Variants in EPS8 observed in about 807,000 individuals in gnomAD.
The protein encoded by EPS8 is EGFR pathway substrate 8, signaling adaptor.
Under a neutral mutation model 103.8 loss-of-function variants are expected in EPS8, and 42 were observed. That is an observed-to-expected ratio of 0.40 (90% CI 0.32 to 0.52). The LOEUF (loss-of-function observed/expected upper bound fraction) is 0.52, where lower values mean the gene tolerates loss of function less well. Among genes scored for constraint, EPS8 ranks in the 20% least tolerant of loss-of-function variants. EPS8 has a pLI of 0.40. For missense variants in EPS8, 969 were observed against 1,005.1 expected, an observed-to-expected ratio of 0.96 and a Z score of 0.49; for synonymous variants, 344 against 344.6, an observed-to-expected ratio of 1.00 and a Z score of 0.02.
At position 15,760,985 on chromosome 12, in the gene EPS8, G is replaced by A. The variant is rs1346738670; in HGVS notation, c.-22+28176C>T. On this transcript the variant is annotated intron_variant, in intron 1 of 20. Transcript: ENST00000281172. This position sits in a 1 kb window ranked among gnomAD's most constrained non-coding sequence, Gnocchi z 4.5. ...GAAAGAAAGAAAGGGCATCCAAATTGGAAAAGAAAAACCCAAATTATCCTT... is the reference window on the plus strand; with the variant it reads ...GAAAGAAAGAAAGGGCATCCAAATTAGAAAAGAAAAACCCAAATTATCCTT... Among the ~76,000 whole-genome samples, 2 of 151,760 alleles carry A rather than the reference G, an allele frequency of 1.3e-5. No homozygotes were observed. Among genetic ancestry groups the A allele is most frequent in the Non-Finnish European group, 2.9e-5 (2 of 67,898 alleles).
intron 8 of EPS8, chr12:15,662,516 A>T: frequency 3.0e-6 from 3 of 988,394 alleles, no homozygotes; most frequent in South Asian, 4.7e-5. Flanking sequence ...ATACATTCCA[A>T]CACTGTGACT....
intron 14 of EPS8, among the ~76,000 whole-genome samples, chr12:15,648,711 A>C (rs2135780492): frequency 6.6e-6 from 1 of 152,330 alleles, no homozygotes; most frequent in African/African-American, 2.4e-5. Context: ...CAGTGAAGTC[A>C]GCAGTAGGAA....
chr12:15,759,656 C>G lies in EPS8; in HGVS notation c.-22+29505G>C, dbSNP rs1375950242. Among the ~76,000 whole-genome samples the G allele has an allele frequency of 6.6e-6, 1 of 151,872 alleles. No individual in the cohort carries two copies. The highest frequency in any genetic ancestry group is 1.5e-5 in the Non-Finnish European group (1 of 67,888). ...AAGGAATAAAACTAGAAATCAATAA[C>G]AAGAGAAATTTTGGAAAATATACTA... On this transcript the variant is annotated intron_variant, in intron 1 of 20. Transcript: ENST00000281172. The surrounding 1 kb of genome is among the most constrained non-coding windows in gnomAD (Gnocchi z 4.9).
chr12:15,639,571 G>A (rs1481721593), intron 17 of EPS8, among the ~76,000 whole-genome samples: 2 of 151,984 alleles, frequency 1.3e-5, no homozygotes, highest in Non-Finnish European at 2.9e-5. Context: ...TTAAGTTACC[G>A]AGATAGAGAA....
intron 18 of EPS8, among the ~76,000 whole-genome samples, chr12:15,624,784 CCTTAGA>C (rs1944918191): frequency 6.6e-6 from 1 of 152,172 alleles, no homozygotes; most frequent in Non-Finnish European, 1.5e-5. Flanking sequence ...TACTACATTT[CCTTAGA>C]CTGGTGGCTC....
chr12:15,773,033 T>C lies in EPS8; in HGVS notation c.-22+16128A>G, dbSNP rs528180404. On this transcript the variant is annotated intron_variant, in intron 1 of 20. Transcript: ENST00000281172. ...TCAGACCACAGTGGGCTCGCTGATG[T>C]AGGAGAAGTGAAGAGGAAACCATAG... is the stretch of plus-strand genomic sequence containing the variant. 1.3e-5 allele frequency among the ~76,000 whole-genome samples: 2 copies of C among 152,176 alleles called. 1 individual carries two copies. The highest frequency in any genetic ancestry group is 4.8e-5 in the African/African-American group (2 of 41,520).
chr12:15,670,602 C>A (rs948149246), intron 4 of EPS8, among the ~76,000 whole-genome samples: 1 of 151,972 alleles, frequency 6.6e-6, no homozygotes, highest in Admixed American at 6.6e-5. Context: ...AGCCATTATT[C>A]TATTATAAGT....
Position 15,749,014 on chromosome 12 carries a change from C to T in EPS8, c.-22+40147G>A, listed in dbSNP as rs1946903361. 6.6e-6 allele frequency among the ~76,000 whole-genome samples: 1 copy of T among 152,124 alleles called. No homozygotes were observed. Among genetic ancestry groups the T allele is most frequent in the Admixed American group, 6.6e-5 (1 of 15,266 alleles). ...AAAGCAAATACTGAGACAACTGATGCTAGAGAGAACTTAAGGCCCTTTTAA... is the reference window on the plus strand; with the variant it reads ...AAAGCAAATACTGAGACAACTGATGTTAGAGAGAACTTAAGGCCCTTTTAA... On this transcript the variant is annotated intron_variant, in intron 1 of 20. Transcript: ENST00000281172. This position sits in a 1 kb window ranked among gnomAD's most constrained non-coding sequence, Gnocchi z 4.0.
Position 15,682,927 on chromosome 12 carries a change from G to A in EPS8, c.25C>T (p.Pro9Ser). The A allele has an allele frequency of 6.3e-7, 1 of 1,585,424 alleles. No individual in the cohort carries two copies. The part of the protein sequence containing the change: MNGHISNH[P>S]SSFGMYPSQM... ...GATGGGTACATTCCAAAACTACTGGGATGATTAGAAATATGACCATTCATT... is the reference window on the plus strand; with the variant it reads ...GATGGGTACATTCCAAAACTACTGGAATGATTAGAAATATGACCATTCATT... Residue 9 changes from proline (P) to serine (S), a missense_variant, in exon 2 of 21, where the codon CCC becomes TCC. By Grantham distance (74) the Pro-to-Ser change is moderately conservative. Coordinates refer to ENST00000281172, the MANE Select transcript of EPS8 (RefSeq NM_004447.6).
chr12:15,639,041 T>C (rs905688616), intron 17 of EPS8, among the ~76,000 whole-genome samples: 6 of 152,248 alleles, frequency 3.9e-5, no homozygotes, highest in Admixed American at 2.0e-4. Flanking sequence ...TGCTTATTCC[T>C]AGCAACCACA....
rs371100319 is a variant in EPS8 at position 15,641,674 on chromosome 12, C to A, written c.1677+48G>T. 3.2e-5 allele frequency: 28 copies of A among 872,986 alleles called. No individual in the cohort carries two copies. In the African/African-American group the frequency reaches 4.6e-4, roughly 14 times the overall value. The allele number at this position is 872,986 out of a possible 1,614,324, so 54.1% of individuals were successfully genotyped here. On this transcript the variant is annotated intron_variant, in intron 16 of 20. Transcript: ENST00000281172. ...TTAGTTATATACCAAAAGAGTAATA[C>A]AATAAAACTACTTTATTAAGAGTAT...
intron 17 of EPS8, among the ~76,000 whole-genome samples, chr12:15,636,365 A>C (rs759806622): frequency 1.3e-5 from 2 of 152,156 alleles, no homozygotes; most frequent in Non-Finnish European, 2.9e-5. Flanking sequence ...AATTTTTATT[A>C]CTTTCTCTTT....
In EPS8 at chr12:15,764,319, A is replaced by C. The variant is rs1332682632; in HGVS notation, c.-22+24842T>G. 6.6e-6 allele frequency among the ~76,000 whole-genome samples: 1 copy of C among 152,250 alleles called. No individual in the cohort carries two copies. The highest frequency in any genetic ancestry group is 1.5e-5 in the Non-Finnish European group (1 of 68,038). The stretch of plus-strand genomic sequence containing the variant: ...ATGGGAATTATGCAAGCTACAATTC[A>C]AGATGAGCTTTGGGTGGGGACACAG... On this transcript the variant is annotated intron_variant, in intron 1 of 20. Coordinates refer to ENST00000281172, the MANE Select transcript of EPS8 (RefSeq NM_004447.6). This position sits in a 1 kb window ranked among gnomAD's most constrained non-coding sequence, Gnocchi z 4.1.
At chr12:15,692,319 G>GTTTTTTTTTTTTTTTTTTTTTTTTT (rs56016545) in intron 1 of EPS8, among the ~76,000 whole-genome samples, 1 of 120,320 alleles carries the variant, frequency 8.3e-6, no homozygotes, top group Admixed American at 8.5e-5. Context: ...AAGAGGTTTG[G>GTTTTTTTTTTTTTTTTTTTTTTTTT]TTTTTTTTTT....
intron 8 of EPS8, among the ~76,000 whole-genome samples, chr12:15,663,640 T>C (rs549809826): frequency 2.0e-5 from 3 of 151,956 alleles, no homozygotes; most frequent in African/African-American, 7.2e-5. Flanking sequence ...TTATATTAGG[T>C]TCAGCAGGGC....
chr12:15,756,834 C>T (rs1237134740), intron 1 of EPS8, among the ~76,000 whole-genome samples: 2 of 152,092 alleles, frequency 1.3e-5, no homozygotes, highest in South Asian at 2.1e-4. Flanking sequence ...ACTAACAGAA[C>T]GTCTAACATA....
rs55841519 is a variant in EPS8, at chr12:15,631,161, T to C, written c.2044+281A>G. 0.081 allele frequency among the ~76,000 whole-genome samples: 12,342 copies of C among 152,242 alleles called. 1,047 individuals are homozygous for C. The highest frequency in any genetic ancestry group is 0.22 in the African/African-American group (9,219 of 41,506). ...GTCAGGAAGCTGGCAAGTGTTGTTTTGGTATACAAATTCCAGGATGTCTGG... is the reference window on the plus strand; with the variant it reads ...GTCAGGAAGCTGGCAAGTGTTGTTTCGGTATACAAATTCCAGGATGTCTGG... On this transcript the variant is annotated intron_variant, in intron 18 of 20. Transcript: ENST00000281172.
At chr12:15,774,147 A>C (rs57744101) in intron 1 of EPS8, among the ~76,000 whole-genome samples, 1,993 of 151,942 alleles carry the variant, frequency 0.013, 44 homozygotes, top group African/African-American at 0.045. Context: ...GCGTGTCATC[A>C]ATTAAAAAAA....
At chr12:15,743,370 T>G (rs936115970) in intron 1 of EPS8, among the ~76,000 whole-genome samples, 5 of 152,158 alleles carry the variant, frequency 3.3e-5, no homozygotes, top group African/African-American at 9.7e-5. Flanking sequence ...GCCATCCCCA[T>G]CAAACTACCA....
Sources: allele counts gnomAD v4.1 joint callset (sites outside exome capture counted in the v4.1 genomes callset), GRCh38; gene constraint gnomAD v4.1.1; non-coding constraint Gnocchi (gnomAD v3.1); transcripts MANE v1.5; gene names NCBI Gene and HGNC (gene_info 2026-07-23, HGNC 2026-07-21).